Variants in TBC1D19 observed in about 807,000 individuals in gnomAD.
TBC1D19 encodes the protein TBC1 domain family, member 19.
TBC1D19 carries 60 observed loss-of-function variants against 89.0 expected under a neutral mutation model. The observed-to-expected ratio is 0.67, with a 90% confidence interval of 0.55 to 0.84. The LOEUF (loss-of-function observed/expected upper bound fraction) is 0.84. Ranked by LOEUF, TBC1D19 falls within the 40% of genes least tolerant of loss-of-function variation. The probability of loss-of-function intolerance (pLI) is 0.00; values close to 1 mark genes in which losing one functional copy is unlikely to be tolerated. For synonymous variants in TBC1D19, 189 were observed against 199.7 expected, an observed-to-expected ratio of 0.95 and a Z score of 0.45; for missense variants, 500 against 610.8, an observed-to-expected ratio of 0.82 and a Z score of 1.91.
the TBC1D19 span, among the ~76,000 whole-genome samples, chr4:26,803,936 G>C: frequency 2.0e-5 from 3 of 151,340 alleles, no homozygotes; most frequent in African/African-American, 7.3e-5. Flanking sequence ...AGGGGGCATG[G>C]AGGTAGGAAA....
the TBC1D19 span, among the ~76,000 whole-genome samples, chr4:26,765,675 T>TA: frequency 6.6e-6 from 1 of 152,158 alleles, no homozygotes. Context: ...GAGGGGCACC[T>TA]ACTGCCTCAG....
chr4:26,817,576 C>T, the TBC1D19 span, among the ~76,000 whole-genome samples: 1 of 152,126 alleles, frequency 6.6e-6, no homozygotes, highest in African/African-American at 2.4e-5. Context: ...AGGGAAAGTG[C>T]ACAACATGGT....
chr4:26,807,240 CGACCT>C, the TBC1D19 span, among the ~76,000 whole-genome samples: 1 of 152,084 alleles, frequency 6.6e-6, no homozygotes, highest in African/African-American at 2.4e-5. Context: ...GACCGGTATC[CGACCT>C]GACTCAGCCA....
At chr4:26,726,386 T>A (rs1235362331) in intron 15 of TBC1D19, among the ~76,000 whole-genome samples, 4 of 152,208 alleles carry the variant, frequency 2.6e-5, no homozygotes, top group Non-Finnish European at 5.9e-5. Flanking sequence ...TCATCCATAT[T>A]AATTAAATAA....
At chr4:26,659,026 GCAAA>G (rs1745054859) in intron 7 of TBC1D19, among the ~76,000 whole-genome samples, 1 of 152,132 alleles carries the variant, frequency 6.6e-6, no homozygotes, top group Non-Finnish European at 1.5e-5. Flanking sequence ...CATGTAATCT[GCAAA>G]CAGACAATTT....
downstream of TBC1D19, among the ~76,000 whole-genome samples, chr4:26,759,718 A>G (rs1043967708): frequency 1.3e-5 from 2 of 152,162 alleles, no homozygotes; most frequent in African/African-American, 2.4e-5. Context: ...GGAATCATCC[A>G]TATGTACTTT....
At chr4:26,767,824 A>G in the TBC1D19 span, among the ~76,000 whole-genome samples, 3 of 152,210 alleles carry the variant, frequency 2.0e-5, no homozygotes, top group Non-Finnish European at 2.9e-5. Context: ...AATCTAGACT[A>G]TACAAAATAA....
chr4:26,699,700 C>A (rs1221853278), intron 13 of TBC1D19, among the ~76,000 whole-genome samples: 2 of 152,136 alleles, frequency 1.3e-5, no homozygotes, highest in African/African-American at 2.4e-5. Flanking sequence ...ATGATGAGTT[C>A]ATGTCCTTTG....
At chr4:26,666,892 A>G (rs1427171069) in intron 9 of TBC1D19, among the ~76,000 whole-genome samples, 2 of 151,998 alleles carry the variant, frequency 1.3e-5, no homozygotes, top group African/African-American at 2.4e-5. Context: ...CTATAATAAA[A>G]ATGAAGTACA....
chr4:26,585,195 T>A (rs1390743499), intron 1 of TBC1D19: 2 of 447,752 alleles, frequency 4.5e-6, no homozygotes, highest in African/African-American at 4.0e-5. Context: ...GTAAGTGTAA[T>A]GTTTCATTCT....
the TBC1D19 span, among the ~76,000 whole-genome samples, chr4:26,807,207 C>G: frequency 6.6e-6 from 1 of 152,040 alleles, no homozygotes; most frequent in African/African-American, 2.4e-5. Context: ...CAGAGTCCCC[C>G]ATCCTCAACT....
At chr4:26,675,147 A>G (rs1712683725) in intron 11 of TBC1D19, among the ~76,000 whole-genome samples, 1 of 152,062 alleles carries the variant, frequency 6.6e-6, no homozygotes, top group South Asian at 2.1e-4. Flanking sequence ...CAATTCTTGT[A>G]GAAGAAGATA....
At chr4:26,659,872 GT>G (rs1276192499) in intron 8 of TBC1D19, among the ~76,000 whole-genome samples, 165 bp downstream of exon 8, 1 of 152,124 alleles carries the variant, frequency 6.6e-6, no homozygotes, top group Non-Finnish European at 1.5e-5. Flanking sequence ...AGAGCAAGTT[GT>G]TTTGCTAATA....
chr4:26,783,863 A>G, the TBC1D19 span, among the ~76,000 whole-genome samples: 1 of 152,112 alleles, frequency 6.6e-6, no homozygotes, highest in Non-Finnish European at 1.5e-5. Context: ...CATGCATCTT[A>G]GGCCACCATG....
At chr4:26,665,061 T>C (rs547900305) in intron 8 of TBC1D19, among the ~76,000 whole-genome samples, 6 of 152,008 alleles carry the variant, frequency 3.9e-5, no homozygotes, top group African/African-American at 1.2e-4. Context: ...TGGGGCATAG[T>C]AGGGGACGTG....
intron 10 of TBC1D19, among the ~76,000 whole-genome samples, chr4:26,673,438 T>TACACACAC (rs1419263495): frequency 6.3e-5 from 1 of 15,916 alleles, no homozygotes; most frequent in African/African-American, 1.3e-4. Flanking sequence ...TATATATATA[T>TACACACAC]ATATATATAC....
At chr4:26,684,134 C>G (rs1713599294) in intron 12 of TBC1D19, among the ~76,000 whole-genome samples, 1 of 152,138 alleles carries the variant, frequency 6.6e-6, no homozygotes, top group Admixed American at 6.5e-5. Flanking sequence ...ATATTGAAGT[C>G]ATTTTTAATT....
intron 3 of TBC1D19, among the ~76,000 whole-genome samples, chr4:26,618,758 G>A (rs977547369): frequency 6.6e-6 from 1 of 152,184 alleles, no homozygotes; most frequent in African/African-American, 2.4e-5. Flanking sequence ...TTGGTGAATA[G>A]GTTGAAAACA....
the TBC1D19 span, among the ~76,000 whole-genome samples, chr4:26,851,124 A>G: frequency 6.6e-6 from 1 of 152,150 alleles, no homozygotes; most frequent in Admixed American, 6.5e-5. Flanking sequence ...GCACCCCTCA[A>G]TCCAAGTTTG....
Sources: allele counts gnomAD v4.1 joint callset (sites outside exome capture counted in the v4.1 genomes callset), GRCh38; gene constraint gnomAD v4.1.1; transcripts MANE v1.5; gene names NCBI Gene and HGNC (gene_info 2026-07-23, HGNC 2026-07-21).